The following SLC18B1 variants were observed in gnomAD, a reference collection of about 807,000 sequenced individuals.
The protein encoded by SLC18B1 is solute carrier family 18 member B1, also known as MFS-type transporter SLC18B1.
SLC18B1 carries 62 observed loss-of-function variants against 53.9 expected under a neutral mutation model. The ratio of observed to expected loss-of-function variants is 1.15; its 90% CI spans 0.94 to 1.42. The LOEUF (loss-of-function observed/expected upper bound fraction) is 1.42. SLC18B1 is among the 40% of genes most tolerant of loss of function. The pLI, the probability that SLC18B1 is intolerant of heterozygous loss-of-function variation, is 0.00. For missense variants in SLC18B1, 598 were observed against 547.3 expected, an observed-to-expected ratio of 1.09 and a Z score of -0.93; for synonymous variants, 217 against 200.9, an observed-to-expected ratio of 1.08 and a Z score of -0.68.
intron 5 of SLC18B1, among the ~76,000 whole-genome samples, chr6:132,786,636 C>A (rs1248295224): frequency 6.7e-6 from 1 of 149,508 alleles, no homozygotes. Context: ...AATTTTCAAA[C>A]TACATTGTTA....
intron 9 of SLC18B1, among the ~76,000 whole-genome samples, chr6:132,773,432 C>T (rs1476524466): frequency 1.3e-5 from 2 of 152,134 alleles, no homozygotes; most frequent in East Asian, 3.8e-4. Flanking sequence ...ACTGTTCTTT[C>T]AATCACTCGG....
chr6:132,769,726 G>C lies in SLC18B1; in HGVS notation c.*544C>G, dbSNP rs922500960. 4 of 152,278 alleles carry C rather than the reference G, an allele frequency of 2.6e-5. No individual in the cohort carries two copies. Among genetic ancestry groups the C allele is most frequent in the Non-Finnish European group, 5.9e-5 (4 of 68,094 alleles). The allele number at this position is 152,278 out of a possible 1,614,324, so 9.4% of individuals were successfully genotyped here. A position where few individuals can be genotyped will look rare whatever the true frequency, so the allele number is the denominator to read the frequency against. On this transcript the variant is annotated 3_prime_UTR_variant, in exon 14 of 14. Coordinates refer to ENST00000275227, the MANE Select transcript of SLC18B1 (RefSeq NM_052831.3). ...GGTCAGGGAGTGCTAGAGAGTTTCT[G>C]TATGGCAGGCAAGAATTCTTCCTTT...
chr6:132,772,315 C>A (rs895148995), intron 10 of SLC18B1, 109 bp from the exon 11 acceptor site: 5 of 608,250 alleles, frequency 8.2e-6, no homozygotes, highest in South Asian at 2.9e-5. Context: ...TGGAAAAAAA[C>A]CAACAGCAAG....
In SLC18B1 at chr6:132,798,464, G is replaced by A; in HGVS notation, c.-8C>T. ...GTCACCCAGCGCCTCCATCCCCGGT[G>A]CGTGGACTCCGGCGCCCCAGCTCCC... On this transcript the variant is annotated 5_prime_UTR_variant, in exon 1 of 14. Transcript: ENST00000275227. 6.6e-7 allele frequency: 1 copy of A among 1,514,060 alleles called. No homozygotes were observed. Among genetic ancestry groups the A allele is most frequent in the East Asian group, 2.6e-5 (1 of 38,206 alleles). The allele number at this position is 1,514,060 out of a possible 1,614,324, so 93.8% of individuals were successfully genotyped here.
In SLC18B1 at chr6:132,774,296, A is replaced by G. The variant is rs758867337; in HGVS notation, c.915T>C (p.Leu305=). Residue 305 remains leucine, a synonymous_variant, in exon 9 of 14, where the codon CTT becomes CTC. Transcript: ENST00000275227. ...SDKRPPLRKW[L]LVFGNLITAG... ...CTGTGATTAAGTTGCCAAACACCAGAAGCCATTTCCTTAGAGGCTGGTAAA... is the reference window on the plus strand; with the variant it reads ...CTGTGATTAAGTTGCCAAACACCAGGAGCCATTTCCTTAGAGGCTGGTAAA... The G allele has an allele frequency of 6.2e-7, 1 of 1,612,990 alleles. No homozygotes were observed. Among genetic ancestry groups the G allele is most frequent in the South Asian group, 1.1e-5 (1 of 90,898 alleles).
chr6:132,778,084 C>T (rs76070416), intron 7 of SLC18B1, among the ~76,000 whole-genome samples: 1 of 151,912 alleles, frequency 6.6e-6, no homozygotes. Context: ...TTATCTCTTG[C>T]GGGCAGGGGC....
chr6:132,774,306 C>T lies in SLC18B1; in HGVS notation c.905G>A (p.Arg302Lys). The change falls in exon 9 of 14, where the codon AGG (arginine) becomes AAG (lysine). Residue 302 changes from arginine to lysine, a missense_variant. By Grantham distance (26) the Arg-to-Lys change is conservative. Coordinates refer to ENST00000275227, the MANE Select transcript of SLC18B1 (RefSeq NM_052831.3). Reference sequence around the variant, plus strand: ...GTTGCCAAACACCAGAAGCCATTTCCTTAGAGGCTGGTAAAGGAGAAAGAG... The same window carrying T: ...GTTGCCAAACACCAGAAGCCATTTCTTTAGAGGCTGGTAAAGGAGAAAGAG... ...GLLSDKRPPL[R>K]KWLLVFGNLI... 6.2e-7 allele frequency: 1 copy of T among 1,612,268 alleles called. No homozygotes were observed. Among genetic ancestry groups the T allele is most frequent in the Non-Finnish European group, 8.5e-7 (1 of 1,178,872 alleles).
intron 4 of SLC18B1, 53 bp downstream of exon 4, chr6:132,789,711 G>A: frequency 8.3e-7 from 1 of 1,199,896 alleles, no homozygotes; most frequent in East Asian, 2.3e-5. Flanking sequence ...TTAAACAGAA[G>A]ATACATTACA....
intron 8 of SLC18B1, among the ~76,000 whole-genome samples, chr6:132,774,712 C>G (rs1781058675): frequency 6.6e-6 from 1 of 152,070 alleles, no homozygotes; most frequent in Non-Finnish European, 1.5e-5. Flanking sequence ...AGTTTGAGAC[C>G]AGACTAGCCA....
chr6:132,770,399 C>A lies in SLC18B1; in HGVS notation c.1305-63G>T. On this transcript the variant is annotated intron_variant, in intron 13 of 13. Coordinates refer to ENST00000275227, the MANE Select transcript of SLC18B1 (RefSeq NM_052831.3). ...CTCATCTTAAAAACAAACAAACAAA[C>A]AAAAAACCAGTACCTGTATCTCCAT... 27 of 1,401,054 alleles carry A rather than the reference C, an allele frequency of 1.9e-5. No homozygotes were observed. The South Asian group carries it at 2.2e-4, about 12-fold the overall frequency. The allele number at this position is 1,401,054 out of a possible 1,614,324, so 86.8% of individuals were successfully genotyped here. A position where few individuals can be genotyped will look rare whatever the true frequency, so the allele number is the denominator to read the frequency against.
chr6:132,781,348 C>CT (rs574784258), intron 6 of SLC18B1, among the ~76,000 whole-genome samples: 36 of 151,420 alleles, frequency 2.4e-4, no homozygotes, highest in African/African-American at 8.5e-4. Context: ...CAGGAAGTTA[C>CT]TGTTAGAGAT....
At chr6:132,781,491 G>A (rs1056904389) in intron 6 of SLC18B1, among the ~76,000 whole-genome samples, 2 of 152,150 alleles carry the variant, frequency 1.3e-5, no homozygotes, top group Non-Finnish European at 2.9e-5. Context: ...GGGCACGGTG[G>A]CTCACATCTG....
chr6:132,777,181 C>T lies in SLC18B1; in HGVS notation c.796-752G>A, dbSNP rs111243217. Among the ~76,000 whole-genome samples, 423 of 152,070 alleles carry T rather than the reference C, an allele frequency of 2.8e-3. 5 individuals carry two copies. Among genetic ancestry groups the T allele is most frequent in the African/African-American group, 9.7e-3 (403 of 41,494 alleles). Reference sequence around the variant, plus strand: ...GCTTGAACTTAGGAGGCAGAGGCTACGGTGAGCCAAGATCATGCCACTATA... The same window carrying T: ...GCTTGAACTTAGGAGGCAGAGGCTATGGTGAGCCAAGATCATGCCACTATA... On this transcript the variant is annotated intron_variant, in intron 7 of 13. Coordinates refer to ENST00000275227, the MANE Select transcript of SLC18B1 (RefSeq NM_052831.3).
chr6:132,772,229 A>T, intron 10 of SLC18B1, 23 bp from the exon 11 acceptor site: 2 of 1,459,746 alleles, frequency 1.4e-6, no homozygotes, highest in Non-Finnish European at 1.8e-6. Flanking sequence ...ACATGAGTGT[A>T]TCCATTATTA....
intron 11 of SLC18B1, among the ~76,000 whole-genome samples, chr6:132,771,650 T>G (rs1246740919): frequency 1.3e-5 from 2 of 152,216 alleles, no homozygotes; most frequent in African/African-American, 4.8e-5. Flanking sequence ...CATTGATTGT[T>G]GAGTGAAAGG....
Position 132,771,034 on chromosome 6 carries a change from A to C in SLC18B1, c.1254+2T>G. On this transcript the variant is annotated splice_donor_variant, in intron 12 of 13. Coordinates refer to ENST00000275227, the MANE Select transcript of SLC18B1 (RefSeq NM_052831.3). LOFTEE classifies it high-confidence loss of function. ...AATGCAAATAAAAGACTGATTACTC[A>C]CACTTATCAGAGCCCATAGACCTTG... 2 of 1,612,046 alleles carry C rather than the reference A, an allele frequency of 1.2e-6. No individual in the cohort carries two copies. Among genetic ancestry groups the C allele is most frequent in the South Asian group, 2.2e-5 (2 of 90,416 alleles).
At chr6:132,790,998 C>T (rs947573352) in intron 2 of SLC18B1, among the ~76,000 whole-genome samples, 4 of 152,174 alleles carry the variant, frequency 2.6e-5, no homozygotes, top group African/African-American at 9.7e-5. Flanking sequence ...ACTTCAAATG[C>T]TACTGTGATA....
At chr6:132,797,215 A>T (rs1781718098) in intron 1 of SLC18B1, 94 bp from the exon 2 acceptor site, 1 of 1,478,130 alleles carries the variant, frequency 6.8e-7, no homozygotes, top group Non-Finnish European at 9.3e-7. Context: ...TGCACTCTGA[A>T]GATATCATTT....
rs557639650 is a variant in SLC18B1, at chr6:132,778,910, A to G, written c.795+358T>C. Among the ~76,000 whole-genome samples, 3 of 152,362 alleles carry G rather than the reference A, an allele frequency of 2.0e-5. No homozygotes were observed. In the South Asian group the frequency reaches 6.2e-4, roughly 32 times the overall value. ...CTGTTATAGAAGAAGCACATCTCAC[A>G]TCAAATGAGCTACTGTGTACCCCTA... On this transcript the variant is annotated intron_variant, in intron 7 of 13. Coordinates refer to ENST00000275227, the MANE Select transcript of SLC18B1 (RefSeq NM_052831.3).
Sources: gnomAD v4.1 joint callset for allele counts (sites outside exome capture counted in the v4.1 genomes callset) on GRCh38, gnomAD v4.1.1 for gene constraint, MANE v1.5 for transcripts, NCBI Gene and HGNC (gene_info 2026-07-23, HGNC 2026-07-21) for gene names.